TTC6: variants seen among roughly 807,000 people sequenced by gnomAD.
TTC6 encodes the protein tetratricopeptide repeat protein 6.
In TTC6, 172 loss-of-function variants were observed where a neutral mutation model predicts 210.4. That is an observed-to-expected ratio of 0.82 (90% CI 0.72 to 0.93). TTC6 has a LOEUF of 0.93. Ranked by LOEUF, TTC6 falls within the 40% of genes least tolerant of loss-of-function variation. The pLI is 0.00. For synonymous variants in TTC6, 804 were observed against 819.6 expected, an observed-to-expected ratio of 0.98 and a Z score of 0.32; for missense variants, 2,414 against 2,318.1, an observed-to-expected ratio of 1.04 and a Z score of -0.85.
chr14:37,656,206 T>C (rs2139441350), intron 1 of TTC6, among the ~76,000 whole-genome samples: 1 of 152,266 alleles, frequency 6.6e-6, no homozygotes, highest in South Asian at 2.1e-4. Context: ...AAATTTTCTT[T>C]TGTGAATGGC....
At chr14:37,694,046 A>G (rs1046669803) in intron 3 of TTC6, among the ~76,000 whole-genome samples, 2 of 152,176 alleles carry the variant, frequency 1.3e-5, no homozygotes, top group African/African-American at 4.8e-5. Flanking sequence ...CATTGGTTTC[A>G]GCAAATATTT....
chr14:37,609,155 G>A (rs950552346), intron 2 of TTC6, among the ~76,000 whole-genome samples: 2 of 152,074 alleles, frequency 1.3e-5, no homozygotes, highest in South Asian at 4.1e-4. Flanking sequence ...ACAGTGGCTT[G>A]TGCATGTAAC....
intron 6 of TTC6, among the ~76,000 whole-genome samples, chr14:37,718,723 T>C (rs2095856689): frequency 6.6e-6 from 1 of 151,786 alleles, no homozygotes; most frequent in South Asian, 2.1e-4. Flanking sequence ...AGCCCAAGAG[T>C]TTGAGACCAG....
rs558593586 is a variant in TTC6, at chr14:37,627,043, G to C, written c.939+4040G>C. On this transcript the variant is annotated intron_variant, in intron 1 of 30. Coordinates refer to ENST00000553443, the Ensembl canonical transcript of TTC6. Reference sequence around the variant, plus strand: ...TCCCTCATGGCTTGGTGCTCTCTTTGCAACTGTGGGAGAGTTCTTGCAAGA... The same window carrying C: ...TCCCTCATGGCTTGGTGCTCTCTTTCCAACTGTGGGAGAGTTCTTGCAAGA... Among the ~76,000 whole-genome samples, 3 of 152,178 alleles carry C rather than the reference G, an allele frequency of 2.0e-5. No homozygotes were observed. In the South Asian group the frequency reaches 6.2e-4, roughly 32 times the overall value.
At position 37,787,576 on chromosome 14, in the gene TTC6, T is replaced by G. The variant is rs1404267833; in HGVS notation, c.3375T>G (p.Tyr1125Ter). ...CTAATAACTGGTTAGCGTTGTATTATCGAGGTTGCTTATTCAGAAAGAGTA... is the reference window on the plus strand; with the variant it reads ...CTAATAACTGGTTAGCGTTGTATTAGCGAGGTTGCTTATTCAGAAAGAGTA... Residue 1125 changes from tyrosine (Y) to a stop codon, truncating the protein, a stop_gained, in exon 15 of 31, where the codon TAT becomes TAG. Transcript: ENST00000553443. LOFTEE classifies it high-confidence loss of function. The G allele has an allele frequency of 1.3e-6, 2 of 1,525,234 alleles. No homozygotes were observed. The highest frequency in any genetic ancestry group is 2.7e-5 in the African/African-American group (2 of 72,964). The allele number at this position is 1,525,234 out of a possible 1,614,324, so 94.5% of individuals were successfully genotyped here. A position where few individuals can be genotyped will look rare whatever the true frequency, so the allele number is the denominator to read the frequency against.
At chr14:37,730,492 T>C (rs2095883093) in intron 7 of TTC6, among the ~76,000 whole-genome samples, 2 of 152,228 alleles carry the variant, frequency 1.3e-5, no homozygotes, top group African/African-American at 4.8e-5. Context: ...TTTTTGTTCC[T>C]GATAATTTTA....
At chr14:37,711,180 C>G (rs559618258) in intron 5 of TTC6, among the ~76,000 whole-genome samples, 1 of 152,266 alleles carries the variant, frequency 6.6e-6, no homozygotes, top group Admixed American at 6.5e-5. Context: ...CTGGGGCTGG[C>G]TTTGGCTGTG....
intron 14 of TTC6, among the ~76,000 whole-genome samples, chr14:37,778,419 A>G (rs1285604492): frequency 6.6e-6 from 1 of 151,268 alleles, no homozygotes. Flanking sequence ...GCTGATCTCC[A>G]TGTGTGTGTC....
intron 1 of TTC6, among the ~76,000 whole-genome samples, chr14:37,637,826 G>T (rs1222711525): frequency 6.6e-6 from 1 of 152,120 alleles, no homozygotes; most frequent in Non-Finnish European, 1.5e-5. Flanking sequence ...AAAAAAAGTG[G>T]CAACACCAGA....
chr14:37,735,044 CA>C, intron 7 of TTC6, among the ~76,000 whole-genome samples: 1 of 151,866 alleles, frequency 6.6e-6, no homozygotes, highest in South Asian at 2.1e-4. Context: ...TGAAAGTGAC[CA>C]AGTATCTTTC....
intron 10 of TTC6, among the ~76,000 whole-genome samples, chr14:37,740,106 GTGAGCCGAGATGT>G (rs2095914470): frequency 6.6e-6 from 1 of 151,186 alleles, no homozygotes. Context: ...GGAGCTTGCA[GTGAGCCGAGATGT>G]GCCACTGCAC....
intron 26 of TTC6, among the ~76,000 whole-genome samples, chr14:37,818,515 G>A (rs1442048582): frequency 6.6e-6 from 1 of 152,126 alleles, no homozygotes; most frequent in Non-Finnish European, 1.5e-5. Flanking sequence ...AGTTAGAATA[G>A]TTCCAAATTA....
intron 26 of TTC6, among the ~76,000 whole-genome samples, chr14:37,818,336 A>G (rs2096147167): frequency 6.6e-6 from 1 of 152,188 alleles, no homozygotes; most frequent in East Asian, 1.9e-4. Context: ...TTATGTTTCT[A>G]CATATATATT....
intron 29 of TTC6, among the ~76,000 whole-genome samples, chr14:37,829,888 A>C (rs760673152): frequency 1.4e-4 from 22 of 151,984 alleles, no homozygotes; most frequent in Non-Finnish European, 2.9e-5. Context: ...AAGATTTAAT[A>C]TTTATGTATT....
chr14:37,746,386 T>C (rs2095936041), intron 10 of TTC6, among the ~76,000 whole-genome samples: 1 of 152,208 alleles, frequency 6.6e-6, no homozygotes, highest in African/African-American at 2.4e-5. Flanking sequence ...AACTCATTCC[T>C]CTACAGCAAT....
chr14:37,738,901 C>G (rs2095909618), exon 10 of TTC6: 2 of 1,535,252 alleles, frequency 1.3e-6, no homozygotes, highest in East Asian at 4.9e-5. Context: ...AACGTCAGCT[C>G]CAGCTCACTA....
intron 14 of TTC6, among the ~76,000 whole-genome samples, chr14:37,763,869 T>C (rs563143966): frequency 6.6e-6 from 1 of 152,002 alleles, no homozygotes; most frequent in South Asian, 2.1e-4. Context: ...TTTATTTTTC[T>C]TGGCTTATTA....
chr14:37,787,411 C>T, intron 14 of TTC6, 57 bp from the exon 17 acceptor site: 8 of 1,220,034 alleles, frequency 6.6e-6, no homozygotes, highest in Non-Finnish European at 8.6e-6. Context: ...ACAGGTTTAC[C>T]AAAAAGAGAA....
intron 20 of TTC6, among the ~76,000 whole-genome samples, chr14:37,798,247 A>G (rs866509134): frequency 6.6e-6 from 1 of 152,122 alleles, no homozygotes; most frequent in African/African-American, 2.4e-5. Flanking sequence ...TCTTTATGAT[A>G]TTGAATTCTT....
Sources: gnomAD v4.1 joint callset for allele counts (sites outside exome capture counted in the v4.1 genomes callset) on GRCh38, gnomAD v4.1.1 for gene constraint, MANE v1.5 for transcripts, NCBI Gene and HGNC (gene_info 2026-07-23, HGNC 2026-07-21) for gene names.